Variants in TUT7 observed in about 807,000 individuals in gnomAD.
TUT7 encodes the protein terminal uridylyl transferase 7.
TUT7 carries 33 observed loss-of-function variants against 165.9 expected under a neutral mutation model. That is an observed-to-expected ratio of 0.20 (90% confidence interval 0.15 to 0.27). The LOEUF (loss-of-function observed/expected upper bound fraction) is 0.27, where lower values mean the gene tolerates loss of function less well. Ranked by LOEUF, TUT7 falls within the 10% of genes least tolerant of loss-of-function variation. The pLI is 1.00. For missense variants in TUT7, 1,338 were observed against 1,762.3 expected (o/e 0.76, Z 4.31); for synonymous variants, 552 against 608.1 (o/e 0.91, Z 1.36).
chr9:86,313,858 A>G (rs892499874), intron 17 of TUT7, among the ~76,000 whole-genome samples: 1 of 152,188 alleles, frequency 6.6e-6, no homozygotes, highest in Admixed American at 6.5e-5. Context: ...AAAAGCAGAT[A>G]CATAGTGATC....
intron 17 of TUT7, among the ~76,000 whole-genome samples, chr9:86,314,853 G>A (rs1382231908): frequency 2.0e-5 from 3 of 151,976 alleles, no homozygotes; most frequent in African/African-American, 7.3e-5. Context: ...TCTTCTCACT[G>A]CTCTCCAAAA....
In TUT7 at chr9:86,311,945, G is replaced by A. The variant is rs1331739271; in HGVS notation, c.3275-1136C>T. Among the ~76,000 whole-genome samples, 26 of 152,222 alleles carry A rather than the reference G, an allele frequency of 1.7e-4. No individual in the cohort carries two copies. The highest frequency in any genetic ancestry group is 7.3e-5 in the Non-Finnish European group (5 of 68,040). ...TGCTCAATGGTGCCCAGGCTGGAGT[G>A]CAGTGGCGTGATCTCGGCCCGCTAC... On this transcript the variant is annotated intron_variant, in intron 17 of 26. Coordinates refer to ENST00000375963, the MANE Select transcript of TUT7 (RefSeq NM_024617.4). This position sits in a 1 kb window ranked among gnomAD's most constrained non-coding sequence, Gnocchi z 4.4.
At chr9:86,340,658 G>A (rs992593196) in intron 7 of TUT7, among the ~76,000 whole-genome samples, 1 of 152,134 alleles carries the variant, frequency 6.6e-6, no homozygotes, top group Non-Finnish European at 1.5e-5. Flanking sequence ...TTCACTGTTG[G>A]TAAAATACTG....
intron 22 of TUT7, among the ~76,000 whole-genome samples, chr9:86,306,291 G>C (rs1443525340): frequency 6.6e-6 from 1 of 152,174 alleles, no homozygotes; most frequent in African/African-American, 2.4e-5. Context: ...TGCTTCTAGT[G>C]AACGGTAACT....
At chr9:86,309,661 G>T in intron 19 of TUT7, 85 bp from the exon 20 acceptor site, 1 of 1,173,368 alleles carries the variant, frequency 8.5e-7, no homozygotes, top group Non-Finnish European at 1.2e-6. Context: ...AAAGTAAAGT[G>T]CATATTTTGA....
Position 86,328,322 on chromosome 9 carries a change from A to T in TUT7, c.1608+18T>A, listed in dbSNP as rs1365570815. The T allele has an allele frequency of 6.4e-7, 1 of 1,552,186 alleles. No homozygotes were observed. Among genetic ancestry groups the T allele is most frequent in the Non-Finnish European group, 8.7e-7 (1 of 1,152,470 alleles). ...ATTGGCAAGTGAAACTGACAACTAG[A>T]AACAAAAGAGAACAGACCTGTCCCC... On this transcript the variant is annotated intron_variant, in intron 11 of 26. Coordinates refer to ENST00000375963, the MANE Select transcript of TUT7 (RefSeq NM_024617.4).
chr9:86,333,962 G>A (rs1830546767), intron 10 of TUT7, among the ~76,000 whole-genome samples: 1 of 151,842 alleles, frequency 6.6e-6, no homozygotes, highest in African/African-American at 2.4e-5. Context: ...TCTTAAAAAA[G>A]GTCTGAGACT....
intron 26 of TUT7, among the ~76,000 whole-genome samples, chr9:86,294,990 A>G (rs1826189448): frequency 6.6e-6 from 1 of 152,144 alleles, no homozygotes; most frequent in Non-Finnish European, 1.5e-5. Context: ...TAAAAAGCTT[A>G]AAAATTCAAT....
At position 86,310,785 on chromosome 9, in the gene TUT7, G is replaced by A. The variant is rs749692944; in HGVS notation, c.3299C>T (p.Thr1100Ile). The A allele has an allele frequency of 6.2e-7, 1 of 1,611,176 alleles. No homozygotes were observed. Among genetic ancestry groups the A allele is most frequent in the Non-Finnish European group, 8.5e-7 (1 of 1,177,430 alleles). Reference protein sequence around the residue: ...HSGLRNILPITTAKVPIVKFF... With the variant: ...HSGLRNILPIITAKVPIVKFF... ...CTTCACAATTGGCACCTTTGCTGTT[G>A]TAATAGGTAAGATGTTTCTCAGACC... Residue 1100 changes from threonine to isoleucine, a missense_variant, in exon 18 of 27, where the codon ACA (threonine) becomes ATA (isoleucine). This residue lies in a region of TUT7 where 157 missense variants were observed against 357.5 expected (regional missense o/e 0.44). Transcript: ENST00000375963.
At chr9:86,337,371 C>G in intron 10 of TUT7, 48 bp downstream of exon 10, 1 of 1,564,714 alleles carries the variant, frequency 6.4e-7, no homozygotes, top group Non-Finnish European at 8.6e-7. Context: ...AATTGTGGAC[C>G]TGTAATAAAA....
Position 86,323,081 on chromosome 9 carries a change from T to A in TUT7, c.2669A>T (p.Asp890Val), listed in dbSNP as rs776819297. ...DNTYTGSGDE[D>V]ALSEEDDELG... The stretch of plus-strand genomic sequence containing the variant: ...CTCATCATCCTCTTCAGATAGGGCG[T>A]CCTCATCCCCTGACCCAGTGTAGGT... The change falls in exon 13 of 27, where the codon GAC (aspartate) becomes GTC (valine). Residue 890 changes from aspartate to valine, a missense_variant. Physicochemically the swap from Asp to Val is radical, Grantham distance 152. Around this residue, in one of 7 missense-constraint regions of TUT7, gnomAD observed 425 missense variants for 474.9 expected, o/e 0.89. Coordinates refer to ENST00000375963, the MANE Select transcript of TUT7 (RefSeq NM_024617.4). 1.9e-6 allele frequency: 3 copies of A among 1,614,186 alleles called. No homozygotes were observed. The highest frequency in any genetic ancestry group is 2.5e-6 in the Non-Finnish European group (3 of 1,180,034).
intron 12 of TUT7, among the ~76,000 whole-genome samples, chr9:86,324,199 C>G (rs989207943): frequency 2.6e-5 from 4 of 152,106 alleles, no homozygotes; most frequent in Admixed American, 1.3e-4. Flanking sequence ...TGTTCAGAAC[C>G]AGTACCCCTT....
intron 18 of TUT7, 135 bp downstream of exon 18, chr9:86,310,571 C>A (rs1433712902): frequency 1.2e-5 from 7 of 608,458 alleles, no homozygotes; most frequent in Non-Finnish European, 2.1e-5. Flanking sequence ...GCCAGGTTCA[C>A]AGCAAGTAAG....
intron 8 of TUT7, among the ~76,000 whole-genome samples, chr9:86,339,607 G>T (rs533121911): frequency 6.6e-6 from 1 of 152,252 alleles, no homozygotes; most frequent in African/African-American, 2.4e-5. Context: ...ACCTAATGAA[G>T]AATCATTACA....
intron 26 of TUT7, among the ~76,000 whole-genome samples, chr9:86,299,868 G>A (rs552265128): frequency 3.7e-4 from 57 of 152,108 alleles, no homozygotes; most frequent in Non-Finnish European, 7.5e-4. Flanking sequence ...GTAATTTTAG[G>A]AATAATTTTG....
intron 26 of TUT7, among the ~76,000 whole-genome samples, chr9:86,299,945 T>C (rs534112237): frequency 6.6e-6 from 1 of 152,214 alleles, no homozygotes; most frequent in South Asian, 2.1e-4. Flanking sequence ...CAGATATTAA[T>C]GTATTTAATG....
chr9:86,312,279 C>T (rs908054556), intron 17 of TUT7, among the ~76,000 whole-genome samples: 4 of 151,690 alleles, frequency 2.6e-5, no homozygotes, highest in African/African-American at 7.3e-5. Context: ...GCCGCCCCGT[C>T]CGGGATGTGA....
Position 86,345,742 on chromosome 9 carries a change from C to T in TUT7, c.746G>A (p.Cys249Tyr). The change falls in exon 4 of 27, where the codon TGT (cysteine) becomes TAT (tyrosine). Residue 249 changes from cysteine (C) to tyrosine (Y), a missense_variant. By Grantham distance (194) the Cys-to-Tyr change is radical (BLOSUM62 -2). This residue lies in a region of TUT7 where 434 missense variants were observed against 480.8 expected (regional missense o/e 0.90). Transcript: ENST00000375963. The part of the protein sequence containing the change: ...YPTAKYTCRL[C>Y]DVLIESIAFA... Reference sequence around the variant, plus strand: ...TGCAATGGATTCAATTAAAACATCACAGAGTCTGCAGGTGTACTTTGCTGT... The same window carrying T: ...TGCAATGGATTCAATTAAAACATCATAGAGTCTGCAGGTGTACTTTGCTGT... 6.2e-7 allele frequency: 1 copy of T among 1,613,624 alleles called. No homozygotes were observed. The highest frequency in any genetic ancestry group is 1.1e-5 in the South Asian group (1 of 90,962).
At chr9:86,320,451 T>TA (rs1829162216) in intron 14 of TUT7, among the ~76,000 whole-genome samples, 1 of 152,172 alleles carries the variant, frequency 6.6e-6, no homozygotes, top group Non-Finnish European at 1.5e-5. Flanking sequence ...AAAGGGCTGT[T>TA]AAGTAGGCTA....
Sources: gnomAD v4.1 joint callset for allele counts (sites outside exome capture counted in the v4.1 genomes callset) on GRCh38, gnomAD v4.1.1 for gene constraint, gnomAD v4.1.1 regional missense constraint, Gnocchi (gnomAD v3.1) non-coding constraint, MANE v1.5 for transcripts, NCBI Gene and HGNC (gene_info 2026-07-23, HGNC 2026-07-21) for gene names.